The following ZMYM1 variants were observed in gnomAD, a reference collection of about 807,000 sequenced individuals.
The protein encoded by ZMYM1 is zinc finger MYM-type containing 1, also known as zinc finger MYM-type protein 1.
In ZMYM1, 39 loss-of-function variants were observed where a neutral mutation model predicts 60.0. The observed-to-expected ratio is 0.65, with a 90% CI of 0.50 to 0.85. The LOEUF (loss-of-function observed/expected upper bound fraction) is 0.85, where lower values mean the gene tolerates loss of function less well. Ranked by LOEUF, ZMYM1 falls within the 40% of genes least tolerant of loss-of-function variation. The pLI is 0.00. For synonymous variants in ZMYM1, 413 were observed against 454.0 expected (o/e 0.91, Z 1.15); for missense variants, 1,171 against 1,309.5 (o/e 0.89, Z 1.63).
chr1:35,106,299 A>G (rs1164274120), intron 6 of ZMYM1, among the ~76,000 whole-genome samples: 1 of 152,070 alleles, frequency 6.6e-6, no homozygotes, highest in East Asian at 1.9e-4. Context: ...CTCTATCCCT[A>G]TACAGACTTC....
Position 35,113,002 on chromosome 1 carries a change from C to G in ZMYM1, c.1172C>G (p.Pro391Arg). ...VDLSKSSPSE[P>R]SNAVASSSTE... ...CTTTCTAAGAGTTCACCTAGTGAAC[C>G]CAGTAATGCTGTTGCTAGTAGTAGT... is the stretch of plus-strand genomic sequence containing the variant. Residue 391 changes from proline to arginine, a missense_variant, in exon 10 of 10, where the codon CCC becomes CGC. Coordinates refer to ENST00000359858, the MANE Select transcript of ZMYM1 (RefSeq NM_024772.5). 1 of 1,572,252 alleles carries G rather than the reference C, an allele frequency of 6.4e-7. No individual in the cohort carries two copies. Among genetic ancestry groups the G allele is most frequent in the South Asian group, 1.2e-5 (1 of 82,618 alleles).
rs548654090 is a variant in ZMYM1, at chr1:35,095,749, G to A, written c.97-70G>A. 5.3e-5 allele frequency: 68 copies of A among 1,285,430 alleles called. 1 individual carries two copies. The South Asian group carries it at 8.6e-4, about 16-fold the overall frequency. 79.6% of individuals were successfully genotyped at this position (1,285,430 alleles called of 1,614,324 possible). On this transcript the variant is annotated intron_variant, in intron 2 of 9. Transcript: ENST00000359858. ...ACTTGACCACAATTTATCATTTTCT[G>A]TTGAATGACTGGTTGTCTTAAATTC...
chr1:35,103,946 T>C (rs1643790179), intron 4 of ZMYM1, among the ~76,000 whole-genome samples: 1 of 152,132 alleles, frequency 6.6e-6, no homozygotes, highest in Admixed American at 6.6e-5. Context: ...AAACTACATC[T>C]TCAAAGTCAG....
At chr1:35,096,552 G>C (rs1328779167) in intron 3 of ZMYM1, among the ~76,000 whole-genome samples, 1 of 148,806 alleles carries the variant, frequency 6.7e-6, no homozygotes, top group East Asian at 2.0e-4. Flanking sequence ...TTTTTTCTGA[G>C]ATGGAGTTTC....
At chr1:35,074,790 T>C (rs1405528348), upstream of ZMYM1, among the ~76,000 whole-genome samples, 1 of 152,174 alleles carries the variant, frequency 6.6e-6, no homozygotes, top group African/African-American at 2.4e-5. Context: ...GTATGCAGTC[T>C]ATCTCTTTAG....
upstream of ZMYM1, among the ~76,000 whole-genome samples, chr1:35,077,073 A>C (rs148724263): frequency 6.6e-6 from 1 of 152,294 alleles, no homozygotes; most frequent in East Asian, 1.9e-4. Context: ...AGACGCATGA[A>C]ACTTGTGACC....
chr1:35,102,885 T>G (rs921269975), intron 4 of ZMYM1, among the ~76,000 whole-genome samples: 5 of 152,222 alleles, frequency 3.3e-5, no homozygotes, highest in Admixed American at 1.3e-4. Flanking sequence ...AGACAGAATA[T>G]TTTTTAAATG....
chr1:35,076,735 C>T (rs1192339438), upstream of ZMYM1, among the ~76,000 whole-genome samples: 1 of 151,892 alleles, frequency 6.6e-6, no homozygotes, highest in East Asian at 1.9e-4. Flanking sequence ...GAGTTCAAGA[C>T]TGGACTGGCC....
chr1:35,085,944 G>A (rs1001367271), intron 1 of ZMYM1, among the ~76,000 whole-genome samples: 1 of 152,160 alleles, frequency 6.6e-6, no homozygotes, highest in African/African-American at 2.4e-5. Context: ...GGAATAAAAT[G>A]AGTTCCATCC....
intron 1 of ZMYM1, among the ~76,000 whole-genome samples, chr1:35,088,454 A>ATATATATGTGTGTGTGTG (rs1464546786): frequency 2.8e-5 from 3 of 107,284 alleles, no homozygotes; most frequent in Admixed American, 1.0e-4. Flanking sequence ...ATATATATAT[A>ATATATATGTGTGTGTGTG]TGTGTGTGTG....
At chr1:35,095,569 A>T (rs1214731282) in intron 2 of ZMYM1, among the ~76,000 whole-genome samples, 1 of 152,018 alleles carries the variant, frequency 6.6e-6, no homozygotes. Flanking sequence ...TTGATAGTGA[A>T]TGGAGGGATT....
At chr1:35,101,925 C>T (rs1351068567) in intron 4 of ZMYM1, among the ~76,000 whole-genome samples, 2 of 152,064 alleles carry the variant, frequency 1.3e-5, no homozygotes, top group Admixed American at 6.6e-5. Context: ...AATTATTGAA[C>T]ACCCAAAGAG....
At chr1:35,095,312 C>T (rs571138792) in intron 2 of ZMYM1, among the ~76,000 whole-genome samples, 1 of 151,414 alleles carries the variant, frequency 6.6e-6, no homozygotes, top group South Asian at 2.1e-4. Context: ...GAGTTCAAGA[C>T]CATGGGCAAC....
At chr1:35,094,587 G>T (rs1395952425) in intron 2 of ZMYM1, among the ~76,000 whole-genome samples, 1 of 152,172 alleles carries the variant, frequency 6.6e-6, no homozygotes, top group Non-Finnish European at 1.5e-5. Context: ...AGGCACAGTG[G>T]CTCACACCTG....
intron 1 of ZMYM1, among the ~76,000 whole-genome samples, chr1:35,092,870 C>T (rs1203368118): frequency 6.6e-6 from 1 of 152,136 alleles, no homozygotes; most frequent in Non-Finnish European, 1.5e-5. Flanking sequence ...CGTGCTCCAC[C>T]CACCTCAGCC....
upstream of ZMYM1, among the ~76,000 whole-genome samples, chr1:35,078,537 ATTTTTTTTTTTTTT>A (rs751468260): frequency 2.4e-5 from 2 of 82,220 alleles, no homozygotes; most frequent in African/African-American, 5.1e-5. Flanking sequence ...GGTTATTTTA[ATTTTTTTTTTTTTT>A]TTTTTTTTTT....
intron 4 of ZMYM1, among the ~76,000 whole-genome samples, chr1:35,097,916 T>C (rs1162882606): frequency 6.6e-6 from 1 of 152,240 alleles, no homozygotes. Flanking sequence ...CCCAAAGTGC[T>C]GGGATTACAG....
At chr1:35,078,537 A>ATTTTTTTTTTTTTTTTTTT (rs751468260), upstream of ZMYM1, among the ~76,000 whole-genome samples, 5 of 82,220 alleles carry the variant, frequency 6.1e-5, no homozygotes, top group African/African-American at 1.5e-4. Context: ...GGTTATTTTA[A>ATTTTTTTTTTTTTTTTTTT]TTTTTTTTTT....
At chr1:35,067,028 G>A (rs1641983780) in intron 1 of ZMYM1, among the ~76,000 whole-genome samples, 1 of 152,052 alleles carries the variant, frequency 6.6e-6, no homozygotes. Flanking sequence ...ACCCATGCTG[G>A]AGTGCAGTGG....
Sources: allele counts gnomAD v4.1 joint callset (sites outside exome capture counted in the v4.1 genomes callset), GRCh38; gene constraint gnomAD v4.1.1; transcripts MANE v1.5; gene names NCBI Gene and HGNC (gene_info 2026-07-23, HGNC 2026-07-21).